Variants in KIF20B observed in about 807,000 individuals in gnomAD.
KIF20B encodes the protein kinesin-like protein KIF20B.
A neutral mutation model predicts 232.5 loss-of-function variants in KIF20B; 188 were observed. The observed-to-expected ratio is 0.81, with a 90% CI of 0.72 to 0.91. The LOEUF (loss-of-function observed/expected upper bound fraction) is 0.91. KIF20B is among the 40% of genes least tolerant of loss of function. KIF20B has a pLI of 0.00. For synonymous variants in KIF20B, 712 were observed against 683.0 expected, an observed-to-expected ratio of 1.04 and a Z score of -0.66; for missense variants, 2,154 against 2,055.9, an observed-to-expected ratio of 1.05 and a Z score of -0.92.
intron 7 of KIF20B, 23 bp downstream of exon 7, chr10:89,714,106 T>C (rs774728337): frequency 3.0e-6 from 4 of 1,321,106 alleles, no homozygotes; most frequent in African/African-American, 3.0e-5. Context: ...TGCTCACTTA[T>C]CTTTGATGTA....
intron 27 of KIF20B, 42 bp from the exon 28 acceptor site, chr10:89,760,484 C>A: frequency 8.8e-7 from 1 of 1,141,294 alleles, no homozygotes. Flanking sequence ...AATATATTTT[C>A]AGGTTACAAT....
chr10:89,738,600 C>T lies in KIF20B; in HGVS notation c.3759C>T (p.Asn1253=), dbSNP rs760227696. 9.7e-6 allele frequency: 15 copies of T among 1,550,898 alleles called. No homozygotes were observed. The East Asian group carries it at 3.4e-4, about 35-fold the overall frequency. Residue 1253 remains asparagine (N), a synonymous_variant, in exon 20 of 33, where the codon AAC becomes AAT. Coordinates refer to ENST00000371728, the MANE Select transcript of KIF20B (RefSeq NM_001284259.2). ...TAAAAGAAGAAGAAGAAGAAACCAA[C>T]AGGCAAGAAACAGAAAAGTAAGCTA... ...LQLKEEEEET[N]RQETEKLKEE...
At chr10:89,736,269 G>A (rs1305314576) in intron 19 of KIF20B, among the ~76,000 whole-genome samples, 1 of 152,050 alleles carries the variant, frequency 6.6e-6, no homozygotes, top group East Asian at 1.9e-4. Context: ...ACCCTTAATG[G>A]AAATTGTATG....
intron 15 of KIF20B, among the ~76,000 whole-genome samples, chr10:89,725,727 C>T (rs1489070207): frequency 6.6e-6 from 1 of 152,208 alleles, no homozygotes; most frequent in East Asian, 1.9e-4. Flanking sequence ...GTGCACGCCA[C>T]TGTGCTCAGC....
At chr10:89,740,798 C>A (rs561558251) in intron 21 of KIF20B, among the ~76,000 whole-genome samples, 1 of 152,288 alleles carries the variant, frequency 6.6e-6, no homozygotes, top group African/African-American at 2.4e-5. Flanking sequence ...GTAGCTGAGA[C>A]TACAGGTGTG....
chr10:89,705,386 A>G lies in KIF20B; in HGVS notation c.92A>G (p.Asp31Gly), dbSNP rs1194896120. Residue 31 changes from aspartate (D) to glycine (G), a missense_variant, in exon 2 of 33, where the codon GAT becomes GGT. Physicochemically the swap from Asp to Gly is moderately conservative, Grantham distance 94. Transcript: ENST00000371728. ...PIARPSEINFDGIKLDLSHEF... is the reference protein window; with the variant it reads ...PIARPSEINFGGIKLDLSHEF... ...GCAAGGCCTTCAGAAATAAATTTCG[A>G]TGGCATTAAGCTTGATCTGTCTCAT... is the stretch of plus-strand genomic sequence containing the variant. The G allele has an allele frequency of 6.2e-7, 1 of 1,614,062 alleles. No homozygotes were observed. Among genetic ancestry groups the G allele is most frequent in the South Asian group, 1.1e-5 (1 of 91,082 alleles).
intron 19 of KIF20B, among the ~76,000 whole-genome samples, chr10:89,736,410 G>A (rs1841653256): frequency 6.6e-6 from 1 of 151,450 alleles, no homozygotes; most frequent in South Asian, 2.1e-4. Flanking sequence ...TACGTGGGGT[G>A]AGTTTATTTG....
rs746372007 is a variant in KIF20B, at chr10:89,719,680, G to T, written c.1696G>T (p.Ala566Ser). The stretch of plus-strand genomic sequence containing the variant: ...AGATAAAACATTAGAGGAAAATAAG[G>T]CTTTCATTAGCCACGAGGAGAAAAG... ...DLDKTLEENK[A>S]FISHEEKRKL... The change falls in exon 13 of 33, where the codon GCT becomes TCT. Residue 566 changes from alanine to serine, a missense_variant. Coordinates refer to ENST00000371728, the MANE Select transcript of KIF20B (RefSeq NM_001284259.2). 6.2e-7 allele frequency: 1 copy of T among 1,606,540 alleles called. No individual in the cohort carries two copies. Among genetic ancestry groups the T allele is most frequent in the Non-Finnish European group, 8.5e-7 (1 of 1,177,460 alleles).
chr10:89,742,229 A>C (rs367731245), intron 21 of KIF20B, among the ~76,000 whole-genome samples: 2 of 152,290 alleles, frequency 1.3e-5, no homozygotes, highest in East Asian at 3.9e-4. Flanking sequence ...AAAAGCATTA[A>C]ATTTGTGGGT....
Position 89,705,355 on chromosome 10 carries a change from C to G in KIF20B, c.61C>G (p.Pro21Ala). Residue 21 changes from proline (P) to alanine (A), a missense_variant, in exon 2 of 33, where the codon CCA (proline) becomes GCA (alanine). Coordinates refer to ENST00000371728, the MANE Select transcript of KIF20B (RefSeq NM_001284259.2). Reference sequence around the variant, plus strand: ...ACCATCTTATGTTTTTAGTGCTGACCCAATTGCAAGGCCTTCAGAAATAAA... The same window carrying G: ...ACCATCTTATGTTTTTAGTGCTGACGCAATTGCAAGGCCTTCAGAAATAAA... The part of the protein sequence containing the change: ...PRPSYVFSAD[P>A]IARPSEINFD... 6.2e-7 allele frequency: 1 copy of G among 1,613,804 alleles called. No individual in the cohort carries two copies. Among genetic ancestry groups the G allele is most frequent in the Non-Finnish European group, 8.5e-7 (1 of 1,179,818 alleles).
chr10:89,703,133 A>G (rs1842646540), intron 1 of KIF20B, among the ~76,000 whole-genome samples: 1 of 152,192 alleles, frequency 6.6e-6, no homozygotes, highest in South Asian at 2.1e-4. Context: ...ATTTGAAGCC[A>G]CAGGTGTTTT....
At chr10:89,720,768 C>T (rs7090618) in intron 13 of KIF20B, among the ~76,000 whole-genome samples, 46,985 of 152,008 alleles carry the variant, frequency 0.31, 8,175 homozygotes, top group African/African-American at 0.46. Context: ...TGCAATGGCA[C>T]GATCTCGGCT....
rs1564671801 is a variant in KIF20B, at chr10:89,751,481, G to A, written c.4222+10G>A. The A allele has an allele frequency of 6.3e-7, 1 of 1,593,626 alleles. No individual in the cohort carries two copies. ...GAAAGGCTGGCCACAGGTAAAACAA[G>A]ATTGCTTACATTTCTCTAAATATAC... On this transcript the variant is annotated intron_variant, in intron 24 of 32. Coordinates refer to ENST00000371728, the MANE Select transcript of KIF20B (RefSeq NM_001284259.2).
intron 18 of KIF20B, among the ~76,000 whole-genome samples, chr10:89,731,847 TA>T (rs1473187555): frequency 6.6e-6 from 1 of 152,232 alleles, no homozygotes; most frequent in African/African-American, 2.4e-5. Context: ...ATCCTTTGTT[TA>T]GAGATACTAG....
rs1564658817 is a variant in KIF20B at position 89,715,175 on chromosome 10, TA to T, written c.934del (p.Ile312Ter). 2 of 1,571,036 alleles carry T rather than the reference TA, an allele frequency of 1.3e-6. No homozygotes were observed. The highest frequency in any genetic ancestry group is 1.7e-6 in the Non-Finnish European group (2 of 1,150,868). ...CCCAAGACGTAAAGGGCTATTCTTT[TA>T]TAAAAGGTATACTAATGAATATTTT... ...LSQDVKGYSFIKDLQWIQVSD... is the reference protein window; with the variant it reads ...LSQDVKGYSFXKDLQWIQVSD... On this transcript the variant is annotated frameshift_variant, in exon 8 of 33. Coordinates refer to ENST00000371728, the MANE Select transcript of KIF20B (RefSeq NM_001284259.2). LOFTEE classifies it high-confidence loss of function.
chr10:89,718,998 C>G, intron 12 of KIF20B, 126 bp downstream of exon 12: 1 of 620,384 alleles, frequency 1.6e-6, no homozygotes, highest in Non-Finnish European at 2.5e-6. Context: ...AATATTTAAC[C>G]AAGTAGGAAG....
intron 22 of KIF20B, among the ~76,000 whole-genome samples, chr10:89,745,559 A>G (rs1263287577): frequency 2.0e-5 from 3 of 146,850 alleles, no homozygotes; most frequent in Non-Finnish European, 4.5e-5. Context: ...AAATAAAGAC[A>G]TATAAAGTGT....
At chr10:89,738,718 G>A (rs12413697) in intron 20 of KIF20B, 101 bp downstream of exon 20, 292,480 of 1,377,892 alleles carry the variant, frequency 0.21, 33,038 homozygotes, top group Non-Finnish European at 0.23. Flanking sequence ...CTGGTAAAGC[G>A]TAGCATGTAT....
At chr10:89,709,583 G>C (rs1262075339) in intron 4 of KIF20B, 122 bp downstream of exon 4, 14 of 635,928 alleles carry the variant, frequency 2.2e-5, no homozygotes, top group Non-Finnish European at 3.5e-5. Flanking sequence ...AGATTTTAAG[G>C]ATAAGACTCA....
Sources: allele counts gnomAD v4.1 joint callset (sites outside exome capture counted in the v4.1 genomes callset), GRCh38; gene constraint gnomAD v4.1.1; transcripts MANE v1.5; gene names NCBI Gene and HGNC (gene_info 2026-07-23, HGNC 2026-07-21).